The following DHDDS variants were observed in gnomAD, a reference collection of about 807,000 sequenced individuals.
DHDDS encodes the protein dehydrodolichyl diphosphate synthase subunit, also known as dehydrodolichyl diphosphate synthase complex subunit DHDDS.
In DHDDS, 16 loss-of-function variants were observed where a neutral mutation model predicts 46.2. That is an observed-to-expected ratio of 0.35 (90% confidence interval 0.23 to 0.53). The LOEUF is 0.53. Among genes scored for constraint, DHDDS ranks in the 20% least tolerant of loss-of-function variants. DHDDS has a pLI of 0.94. For missense variants in DHDDS, 340 were observed against 423.7 expected (o/e 0.80, Z 1.73); for synonymous variants, 151 against 163.1 (o/e 0.93, Z 0.56).
At chr1:26,432,694 A>G in intron 1 of DHDDS, 197 bp from the exon 2 acceptor site, 1 of 540,280 alleles carries the variant, frequency 1.9e-6, no homozygotes, top group Non-Finnish European at 3.3e-6. Context: ...CAAAGCCAGG[A>G]GAACCGAGGA....
chr1:26,434,215 C>CA (rs2075131644), intron 2 of DHDDS, among the ~76,000 whole-genome samples: 1 of 152,232 alleles, frequency 6.6e-6, no homozygotes, highest in South Asian at 2.1e-4. Context: ...AATCTTCCCT[C>CA]AGCTTTTTCT....
chr1:26,456,420 CCTCG>C (rs916985910), intron 6 of DHDDS, among the ~76,000 whole-genome samples: 3 of 151,912 alleles, frequency 2.0e-5, no homozygotes, highest in African/African-American at 7.3e-5. Flanking sequence ...TGAGACAGAG[CCTCG>C]CTCTGTCACT....
intron 3 of DHDDS, among the ~76,000 whole-genome samples, chr1:26,441,431 C>T (rs1435122823): frequency 2.0e-5 from 3 of 151,472 alleles, no homozygotes; most frequent in Non-Finnish European, 4.4e-5. Flanking sequence ...AACTCCCAAC[C>T]TCAGGTAATC....
chr1:26,443,767 C>G (rs918959177), intron 4 of DHDDS, among the ~76,000 whole-genome samples: 28 of 152,264 alleles, frequency 1.8e-4, no homozygotes, highest in Non-Finnish European at 3.8e-4. Flanking sequence ...CGGTCCCCAG[C>G]AGAGCCTGTG....
intron 5 of DHDDS, 120 bp downstream of exon 5, chr1:26,446,552 T>A (rs75210044): frequency 4.5e-6 from 4 of 887,238 alleles, no homozygotes; most frequent in Admixed American, 3.6e-5. Context: ...AGAGAGTAGG[T>A]TGAGCAGCTT....
intron 6 of DHDDS, chr1:26,454,661 C>A: frequency 7.0e-7 from 1 of 1,431,264 alleles, no homozygotes; most frequent in Non-Finnish European, 9.5e-7. Flanking sequence ...GTTTTTGTTT[C>A]TTCAGTTTCT....
intron 8 of DHDDS, chr1:26,467,427 T>G: frequency 2.2e-6 from 1 of 453,104 alleles, no homozygotes; most frequent in Admixed American, 2.4e-5. Context: ...AGAAGTATTC[T>G]TGAATGCCTG....
chr1:26,466,414 T>A (rs2075487484), intron 8 of DHDDS: 1 of 152,168 alleles, frequency 6.6e-6, no homozygotes, highest in African/African-American at 2.4e-5. Flanking sequence ...CCCTAGAAAG[T>A]AGAGCTTATA....
In DHDDS at chr1:26,454,734, C is replaced by T; in HGVS notation, c.543-3057C>T. The stretch of plus-strand genomic sequence containing the variant: ...GGTTTAGGAACAATCTGTTCCTTTT[C>T]AGTAAGGATCATCTCAATGTGGCAG... On this transcript the variant is annotated intron_variant, in intron 6 of 8. Coordinates refer to ENST00000236342, the MANE Select transcript of DHDDS (RefSeq NM_205861.3). 4 of 1,588,884 alleles carry T rather than the reference C, an allele frequency of 2.5e-6. No homozygotes were observed. The South Asian group carries it at 4.4e-5, about 17-fold the overall frequency.
At chr1:26,442,053 G>A (rs1273425402) in intron 3 of DHDDS, among the ~76,000 whole-genome samples, 1 of 151,996 alleles carries the variant, frequency 6.6e-6, no homozygotes, top group East Asian at 1.9e-4. Flanking sequence ...TCCCATTCTA[G>A]AACTCCATAT....
chr1:26,469,910 G>A lies in DHDDS; in HGVS notation c.*779G>A, dbSNP rs1264017657. ...GTAACAGAAGGGCCTGTAGGCCCTG[G>A]TGAACTGAATCCAGCACAGGCCTCC... On this transcript the variant is annotated 3_prime_UTR_variant, in exon 9 of 9. Coordinates refer to ENST00000236342, the MANE Select transcript of DHDDS (RefSeq NM_205861.3). 1.3e-5 allele frequency: 2 copies of A among 154,260 alleles called. No individual in the cohort carries two copies. The highest frequency in any genetic ancestry group is 1.9e-4 in the East Asian group (1 of 5,210). The allele number at this position is 154,260 out of a possible 1,614,324, so 9.6% of individuals were successfully genotyped here.
Position 26,470,603 on chromosome 1 carries a change from G to A in DHDDS, c.*1472G>A, listed in dbSNP as rs1349664106. ...TGTCCCGGGATACCTGGCGGCAAGA[G>A]ACTTCTTGGCTATTGTCCATGCTCC... is the stretch of plus-strand genomic sequence containing the variant. On this transcript the variant is annotated 3_prime_UTR_variant, in exon 9 of 9. Transcript: ENST00000236342. The A allele has an allele frequency of 6.6e-6, 1 of 152,602 alleles. No individual in the cohort carries two copies. The highest frequency in any genetic ancestry group is 6.5e-5 in the Admixed American group (1 of 15,276). The allele number at this position is 152,602 out of a possible 1,614,324, so 9.5% of individuals were successfully genotyped here.
intron 6 of DHDDS, chr1:26,454,963 C>G (rs1244823212): frequency 6.3e-7 from 1 of 1,598,072 alleles, no homozygotes; most frequent in African/African-American, 1.3e-5. Context: ...TCCAGCCCCA[C>G]TGCTTGGCCT....
intron 6 of DHDDS, 34 bp downstream of exon 6, chr1:26,447,694 G>A: frequency 6.3e-7 from 1 of 1,586,896 alleles, no homozygotes; most frequent in Non-Finnish European, 8.6e-7. Context: ...TAATTGTTAA[G>A]GAAAACAGGC....
At chr1:26,453,093 AACACAC>A (rs57753843) in intron 6 of DHDDS, among the ~76,000 whole-genome samples, 68 of 146,512 alleles carry the variant, frequency 4.6e-4, no homozygotes, top group African/African-American at 7.2e-4. Context: ...CCCTGTCTGA[AACACAC>A]ACACACACAC....
intron 3 of DHDDS, chr1:26,438,493 G>A: frequency 1.9e-6 from 1 of 528,868 alleles, no homozygotes; most frequent in Non-Finnish European, 3.5e-6. Flanking sequence ...GGAGGCCAAG[G>A]CAGGAGGATT....
At chr1:26,464,185 G>A (rs1367819582) in intron 8 of DHDDS, among the ~76,000 whole-genome samples, 1 of 151,724 alleles carries the variant, frequency 6.6e-6, no homozygotes, top group Non-Finnish European at 1.5e-5. Context: ...TAGAGACAGG[G>A]TTTCACCATG....
intron 8 of DHDDS, among the ~76,000 whole-genome samples, chr1:26,468,385 T>C (rs2124549103): frequency 6.6e-6 from 1 of 152,258 alleles, no homozygotes; most frequent in Admixed American, 6.5e-5. Flanking sequence ...CCGACAAGAA[T>C]AGGACCTTTC....
chr1:26,458,737 CAAA>C (rs11381495), intron 7 of DHDDS, among the ~76,000 whole-genome samples: 9 of 71,682 alleles, frequency 1.3e-4, no homozygotes, highest in Admixed American at 1.4e-4. Flanking sequence ...GACTCTGTCG[CAAA>C]AAAAAAAAAA....
Sources: gnomAD v4.1 joint callset for allele counts (sites outside exome capture counted in the v4.1 genomes callset) on GRCh38, gnomAD v4.1.1 for gene constraint, MANE v1.5 for transcripts, NCBI Gene and HGNC (gene_info 2026-07-23, HGNC 2026-07-21) for gene names.